The following CSMD1 variants were observed in gnomAD, a reference collection of about 807,000 sequenced individuals.
CSMD1 encodes the protein CUB and Sushi multiple domains 1.
CSMD1 carries 213 observed loss-of-function variants against 417.5 expected under a neutral mutation model. The observed-to-expected ratio is 0.51, with a 90% confidence interval of 0.46 to 0.57. The LOEUF (loss-of-function observed/expected upper bound fraction) is 0.57. Among genes scored for constraint, CSMD1 ranks in the 20% least tolerant of loss-of-function variants. CSMD1 has a pLI of 0.00. For missense variants in CSMD1, 6,923 were observed against 4,529.7 expected (o/e 1.53, Z -15.17); for synonymous variants, 2,862 against 1,736.8 (o/e 1.65, Z -16.11).
rs117976179 is a variant in CSMD1, at chr8:4,232,903, T to C, written c.415+187050A>G. On this transcript the variant is annotated intron_variant, in intron 3 of 69. Coordinates refer to ENST00000635120, the MANE Select transcript of CSMD1 (RefSeq NM_033225.6). ...TAAGTGTAAAAGGAGGAAAAGGATATTGAAATTCACAAGAATTCTTTGTTC... is the reference window on the plus strand; with the variant it reads ...TAAGTGTAAAAGGAGGAAAAGGATACTGAAATTCACAAGAATTCTTTGTTC... 1.6e-4 allele frequency among the ~76,000 whole-genome samples: 24 copies of C among 152,314 alleles called. No homozygotes were observed. In the East Asian group the frequency reaches 2.1e-3, roughly 13 times the overall value.
chr8:4,092,394 G>C (rs1188185334), intron 3 of CSMD1, among the ~76,000 whole-genome samples: 1 of 152,096 alleles, frequency 6.6e-6, no homozygotes, highest in Non-Finnish European at 1.5e-5. Flanking sequence ...TCCACCGTAA[G>C]GCAATGAACT....
At chr8:3,655,379 T>A (rs1399121434) in intron 7 of CSMD1, among the ~76,000 whole-genome samples, 1 of 152,236 alleles carries the variant, frequency 6.6e-6, no homozygotes, top group Non-Finnish European at 1.5e-5. Context: ...ATTTTCATTT[T>A]TCACTATTAC....
At chr8:4,771,941 C>T (rs546711283) in intron 1 of CSMD1, among the ~76,000 whole-genome samples, 2 of 152,322 alleles carry the variant, frequency 1.3e-5, no homozygotes, top group South Asian at 2.1e-4. Context: ...TCCCGGGGAT[C>T]TCGTGATAAT....
chr8:4,948,737 A>C (rs547668127), intron 1 of CSMD1, among the ~76,000 whole-genome samples: 2 of 152,238 alleles, frequency 1.3e-5, no homozygotes, highest in African/African-American at 4.8e-5. Flanking sequence ...GTACCATTTA[A>C]GAAAAGTGAT....
chr8:4,353,623 T>C (rs1199159537), intron 3 of CSMD1, among the ~76,000 whole-genome samples: 1 of 151,344 alleles, frequency 6.6e-6, no homozygotes, highest in Non-Finnish European at 1.5e-5. Flanking sequence ...AAGAGCAGAG[T>C]CACGCCCAAC....
At chr8:3,894,630 G>A (rs1436060889) in intron 5 of CSMD1, among the ~76,000 whole-genome samples, 2 of 152,114 alleles carry the variant, frequency 1.3e-5, no homozygotes, top group Non-Finnish European at 2.9e-5. Flanking sequence ...TCAGTGCTAA[G>A]GCTAAACAAG....
chr8:4,593,916 G>A (rs181654330), intron 2 of CSMD1, among the ~76,000 whole-genome samples: 6 of 152,112 alleles, frequency 3.9e-5, no homozygotes, highest in Non-Finnish European at 8.8e-5. Context: ...AGTTTTGAGG[G>A]CCAGGAGTCT....
At chr8:4,912,134 A>AG (rs1181458946) in intron 1 of CSMD1, among the ~76,000 whole-genome samples, 5 of 141,026 alleles carry the variant, frequency 3.5e-5, no homozygotes, top group African/African-American at 1.1e-4. Context: ...AAAAAAAAAA[A>AG]AAAAAAAGAA....
At chr8:4,922,571 T>G (rs1201449632) in intron 1 of CSMD1, among the ~76,000 whole-genome samples, 1 of 152,180 alleles carries the variant, frequency 6.6e-6, no homozygotes, top group African/African-American at 2.4e-5. Context: ...ATTACATTTG[T>G]TTTCTATAAA....
intron 2 of CSMD1, among the ~76,000 whole-genome samples, chr8:4,578,485 C>A (rs1335276234): frequency 6.6e-6 from 1 of 151,516 alleles, no homozygotes; most frequent in Non-Finnish European, 1.5e-5. Flanking sequence ...TAAATCCTTC[C>A]ACAAATATTC....
At chr8:4,442,590 C>T (rs528335984) in intron 2 of CSMD1, among the ~76,000 whole-genome samples, 3 of 152,284 alleles carry the variant, frequency 2.0e-5, no homozygotes, top group Non-Finnish European at 2.9e-5. Flanking sequence ...TATAGCTCTT[C>T]CCCAAATTGG....
At chr8:3,703,960 A>T (rs770604428) in intron 7 of CSMD1, among the ~76,000 whole-genome samples, 8 of 152,138 alleles carry the variant, frequency 5.3e-5, no homozygotes, top group Non-Finnish European at 1.2e-4. Flanking sequence ...ACTCCCTGCT[A>T]TTTGGGAGGC....
intron 3 of CSMD1, among the ~76,000 whole-genome samples, chr8:4,268,423 G>A (rs902970905): frequency 6.6e-6 from 1 of 152,134 alleles, no homozygotes; most frequent in Non-Finnish European, 1.5e-5. Context: ...GTGACCAATT[G>A]TTGTTTATAG....
intron 1 of CSMD1, among the ~76,000 whole-genome samples, chr8:4,771,877 G>T (rs780171403): frequency 6.6e-6 from 1 of 152,126 alleles, no homozygotes; most frequent in East Asian, 1.9e-4. Flanking sequence ...TGCTCAAAGC[G>T]GTGGGCATGA....
At chr8:3,855,822 G>A (rs1019899613) in intron 5 of CSMD1, among the ~76,000 whole-genome samples, 13 of 152,086 alleles carry the variant, frequency 8.5e-5, no homozygotes, top group African/African-American at 2.2e-4. Flanking sequence ...AGGGTATTAC[G>A]TAAACATCTT....
chr8:3,603,029 T>C (rs1801436964), intron 8 of CSMD1, among the ~76,000 whole-genome samples: 1 of 152,174 alleles, frequency 6.6e-6, no homozygotes, highest in Non-Finnish European at 1.5e-5. Context: ...ACCAGCCCTA[T>C]TTGGTGAATT....
intron 41 of CSMD1, among the ~76,000 whole-genome samples, chr8:3,124,179 A>G (rs1343434113): frequency 6.6e-6 from 1 of 152,102 alleles, no homozygotes; most frequent in Non-Finnish European, 1.5e-5. Flanking sequence ...TATGGGCAGT[A>G]CAGTGGTTTT....
At chr8:4,908,092 G>A (rs550372920) in intron 1 of CSMD1, among the ~76,000 whole-genome samples, 176 of 152,168 alleles carry the variant, frequency 1.2e-3, no homozygotes, top group Non-Finnish European at 1.9e-3. Context: ...CATGGAAGTC[G>A]TCTATGTCCT....
chr8:4,787,938 G>A lies in CSMD1; in HGVS notation c.86-150380C>T, dbSNP rs930563014. On this transcript the variant is annotated intron_variant, in intron 1 of 69. Coordinates refer to ENST00000635120, the MANE Select transcript of CSMD1 (RefSeq NM_033225.6). ...AGAAATTGTTCTTGCTGATGTAATT[G>A]ACAATGATTCCTGGAGACTCTGGCC... The A allele has an allele frequency of 5.6e-6, 9 of 1,593,958 alleles. No individual in the cohort carries two copies. In the East Asian group the frequency reaches 1.6e-4, roughly 28 times the overall value.
Sources: gnomAD v4.1 joint callset for allele counts (sites outside exome capture counted in the v4.1 genomes callset) on GRCh38, gnomAD v4.1.1 for gene constraint, MANE v1.5 for transcripts, NCBI Gene and HGNC (gene_info 2026-07-23, HGNC 2026-07-21) for gene names.